EYS: variants seen among roughly 807,000 people sequenced by gnomAD.
EYS encodes protein eyes shut homolog.
A neutral mutation model predicts 282.1 loss-of-function variants in EYS; 250 were observed. The observed-to-expected ratio is 0.89, with a 90% CI of 0.80 to 0.98. EYS has a LOEUF of 0.98. EYS is among the 50% of genes least tolerant of loss of function. The probability of loss-of-function intolerance (pLI) is 0.00; values close to 1 mark genes in which losing one functional copy is unlikely to be tolerated. For missense variants in EYS, 4,016 were observed against 3,709.0 expected (o/e 1.08, Z -2.15); for synonymous variants, 1,355 against 1,282.9 (o/e 1.06, Z -1.20).
intron 39 of EYS, among the ~76,000 whole-genome samples, chr6:63,786,925 G>A (rs114184159): frequency 0.012 from 1,847 of 152,204 alleles, 38 homozygotes; most frequent in African/African-American, 0.043. Flanking sequence ...GGTTGTCCTG[G>A]TAAGTTGGTA....
chr6:63,862,351 G>A (rs1312800435), intron 36 of EYS, among the ~76,000 whole-genome samples: 2 of 151,976 alleles, frequency 1.3e-5, no homozygotes, highest in Non-Finnish European at 2.9e-5. Context: ...TGGCAACTTT[G>A]TGGAATATAA....
intron 26 of EYS, among the ~76,000 whole-genome samples, chr6:64,539,809 A>C (rs985409826): frequency 2.6e-5 from 4 of 152,182 alleles, no homozygotes; most frequent in Non-Finnish European, 4.4e-5. Context: ...ACTAACATGC[A>C]TGTCCTCATT....
intron 8 of EYS, among the ~76,000 whole-genome samples, chr6:65,379,584 C>A (rs1765532385): frequency 6.6e-6 from 1 of 151,976 alleles, no homozygotes; most frequent in Non-Finnish European, 1.5e-5. Flanking sequence ...TCTCACCACT[C>A]CTGTTCAACA....
intron 19 of EYS, among the ~76,000 whole-genome samples, chr6:64,837,484 A>G (rs991549526): frequency 1.2e-4 from 18 of 151,302 alleles, no homozygotes; most frequent in African/African-American, 4.1e-4. Context: ...GGTCAGAGCA[A>G]TTTGGTAAGA....
At chr6:65,517,256 T>C (rs1340551573) in intron 2 of EYS, among the ~76,000 whole-genome samples, 3 of 151,822 alleles carry the variant, frequency 2.0e-5, no homozygotes, top group Non-Finnish European at 4.4e-5. Context: ...CATATTTTAA[T>C]AGCTTATTTT....
chr6:64,074,985 C>A (rs1044928808), intron 32 of EYS, among the ~76,000 whole-genome samples: 1 of 151,922 alleles, frequency 6.6e-6, no homozygotes, highest in Admixed American at 6.6e-5. Context: ...TATCTACTGA[C>A]GTTTCAATCA....
chr6:64,242,684 A>T (rs943394517), intron 30 of EYS, among the ~76,000 whole-genome samples: 1 of 151,472 alleles, frequency 6.6e-6, no homozygotes, highest in Non-Finnish European at 1.5e-5. Flanking sequence ...TCTATATCCC[A>T]TGTGTGTTCT....
At chr6:64,371,465 T>C (rs1201269287) in intron 29 of EYS, among the ~76,000 whole-genome samples, 2 of 152,050 alleles carry the variant, frequency 1.3e-5, no homozygotes, top group Non-Finnish European at 2.9e-5. Context: ...GTGGCATGTG[T>C]GGATCAGAAG....
At chr6:65,197,340 A>G (rs1765794833) in intron 12 of EYS, among the ~76,000 whole-genome samples, 1 of 152,128 alleles carries the variant, frequency 6.6e-6, no homozygotes, top group East Asian at 1.9e-4. Flanking sequence ...GATCTAATAA[A>G]GACTTATACT....
intron 39 of EYS, among the ~76,000 whole-genome samples, chr6:63,782,048 A>G (rs1770242674): frequency 6.6e-6 from 1 of 152,186 alleles, no homozygotes; most frequent in Non-Finnish European, 1.5e-5. Context: ...ATGATGGATT[A>G]CATTTATTGA....
At chr6:64,652,955 T>A (rs1211274714) in intron 22 of EYS, among the ~76,000 whole-genome samples, 2 of 152,166 alleles carry the variant, frequency 1.3e-5, no homozygotes, top group Non-Finnish European at 2.9e-5. Context: ...TCATTAGGGG[T>A]TGAATTCTGT....
intron 19 of EYS, among the ~76,000 whole-genome samples, chr6:64,858,592 T>C (rs553477703): frequency 1.8e-4 from 28 of 152,274 alleles, no homozygotes; most frequent in African/African-American, 6.5e-4. Flanking sequence ...TATTTTGTAG[T>C]TCCATCCAAA....
In EYS at chr6:65,441,447, T is replaced by A. The variant is rs1768324296; in HGVS notation, c.863-36080A>T. ...AAATGCATTATGAAAGAATTGTATT[T>A]TAGAAATCATGACTCCTCTGATATG... On this transcript the variant is annotated intron_variant, in intron 5 of 42. Transcript: ENST00000503581. 2.6e-5 allele frequency among the ~76,000 whole-genome samples: 4 copies of A among 152,010 alleles called. No homozygotes were observed. The South Asian group carries it at 6.2e-4, about 24-fold the overall frequency.
intron 12 of EYS, among the ~76,000 whole-genome samples, chr6:65,238,894 G>A (rs903221260): frequency 2.0e-4 from 30 of 151,950 alleles, no homozygotes; most frequent in Admixed American, 1.8e-3. Context: ...ACAATGACAA[G>A]TCAGTTACAT....
intron 29 of EYS, among the ~76,000 whole-genome samples, chr6:64,345,233 A>G (rs1228879511): frequency 2.8e-4 from 42 of 152,188 alleles, no homozygotes; most frequent in African/African-American, 9.6e-4. Flanking sequence ...AAAAGAGCCC[A>G]CATTGCCAAG....
intron 19 of EYS, among the ~76,000 whole-genome samples, chr6:64,868,454 A>G (rs9345561): frequency 0.094 from 14,311 of 151,576 alleles, 870 homozygotes; most frequent in East Asian, 0.32. Flanking sequence ...AATGTTTCCA[A>G]TGATTATGTA....
At chr6:63,802,463 A>AT (rs1478970177) in intron 37 of EYS, among the ~76,000 whole-genome samples, 1 of 151,286 alleles carries the variant, frequency 6.6e-6, no homozygotes, top group Non-Finnish European at 1.5e-5. Context: ...TTAAAGTAAA[A>AT]TTAAAAAAAA....
chr6:64,232,120 A>C (rs1766441226), intron 30 of EYS, among the ~76,000 whole-genome samples: 1 of 152,188 alleles, frequency 6.6e-6, no homozygotes, highest in South Asian at 2.1e-4. Flanking sequence ...ATTAATGTGC[A>C]GGTCAGTTCT....
intron 22 of EYS, among the ~76,000 whole-genome samples, chr6:64,724,297 T>C (rs1323234202): frequency 3.3e-5 from 5 of 152,226 alleles, no homozygotes; most frequent in African/African-American, 9.6e-5. Context: ...ATGTGCAGTT[T>C]TGACAGTTTC....
Sources: allele counts gnomAD v4.1 joint callset (sites outside exome capture counted in the v4.1 genomes callset), GRCh38; gene constraint gnomAD v4.1.1; transcripts MANE v1.5; gene names NCBI Gene and HGNC (gene_info 2026-07-23, HGNC 2026-07-21).